The following SEMA5A variants were observed in gnomAD, a reference collection of about 807,000 sequenced individuals.
The protein encoded by SEMA5A is semaphorin-5A.
SEMA5A carries 55 observed loss-of-function variants against 135.5 expected under a neutral mutation model. The observed-to-expected ratio is 0.41, with a 90% CI of 0.33 to 0.51. The LOEUF (loss-of-function observed/expected upper bound fraction) is 0.51. Among genes scored for constraint, SEMA5A ranks in the 20% least tolerant of loss-of-function variants. SEMA5A has a pLI of 0.37. For missense variants in SEMA5A, 1,290 were observed against 1,419.9 expected, an observed-to-expected ratio of 0.91 and a Z score of 1.47; for synonymous variants, 580 against 546.5, an observed-to-expected ratio of 1.06 and a Z score of -0.85.
chr5:9,271,209 G>C (rs1749956371), intron 5 of SEMA5A, among the ~76,000 whole-genome samples: 1 of 152,046 alleles, frequency 6.6e-6, no homozygotes, highest in Non-Finnish European at 1.5e-5. Context: ...CTCCTCCATG[G>C]TAAAACGTGC....
At chr5:9,213,581 G>A (rs1417226268) in intron 8 of SEMA5A, among the ~76,000 whole-genome samples, 1 of 152,190 alleles carries the variant, frequency 6.6e-6, no homozygotes. Context: ...AGGCAGAACA[G>A]CGCCCAGCAA....
chr5:9,286,430 T>A (rs1750800458), intron 5 of SEMA5A, among the ~76,000 whole-genome samples: 1 of 152,144 alleles, frequency 6.6e-6, no homozygotes, highest in South Asian at 2.1e-4. Context: ...CGTACTCTTT[T>A]TTCTATCTCC....
rs1759391455 is a variant in SEMA5A at position 9,469,391 on chromosome 5, TG to T, written c.-174-31540del. The stretch of plus-strand genomic sequence containing the variant: ...ATTTTAGTTATGCGGAATGTTTAAT[TG>T]GGGTAGTGAGAGAGGGCTACCAGAA... On this transcript the variant is annotated intron_variant, in intron 1 of 22. Coordinates refer to ENST00000382496, the MANE Select transcript of SEMA5A (RefSeq NM_003966.3). Among the ~76,000 whole-genome samples the T allele has an allele frequency of 3.3e-5, 5 of 152,322 alleles. No homozygotes were observed. The South Asian group carries it at 1.0e-3, about 32-fold the overall frequency.
intron 12 of SEMA5A, among the ~76,000 whole-genome samples, chr5:9,142,890 T>G (rs954411917): frequency 3.9e-5 from 6 of 152,250 alleles, no homozygotes; most frequent in Admixed American, 2.0e-4. Context: ...AGGCAGAGGC[T>G]GCAGTGAGCT....
chr5:9,289,952 C>A (rs1750997056), intron 5 of SEMA5A, among the ~76,000 whole-genome samples: 1 of 152,142 alleles, frequency 6.6e-6, no homozygotes. Context: ...ATTTAAAAAT[C>A]AGGTAAGATT....
At chr5:9,397,205 C>G (rs554008404) in intron 2 of SEMA5A, among the ~76,000 whole-genome samples, 2 of 152,328 alleles carry the variant, frequency 1.3e-5, no homozygotes, top group East Asian at 3.9e-4. Flanking sequence ...TAGTTGCACA[C>G]CCACATATAC....
chr5:9,318,402 C>A lies in SEMA5A; in HGVS notation c.240G>T (p.Arg80Ser), dbSNP rs377291050. Reference protein sequence around the residue: ...LVVGARNYLFRLQLEDLSLIQ... With the variant: ...LVVGARNYLFSLQLEDLSLIQ... ...TAAGAGACAGATCCTCAAGCTGTAA[C>A]CTGAAGAGGTAGTTTCTGCAAAATA... Residue 80 changes from arginine to serine, a missense_variant, in exon 5 of 23, where the codon AGG becomes AGT. This residue lies in a region of SEMA5A where 116 missense variants were observed against 121.3 expected (regional missense o/e 0.96). Transcript: ENST00000382496. 1 of 1,612,208 alleles carries A rather than the reference C, an allele frequency of 6.2e-7. No individual in the cohort carries two copies. The highest frequency in any genetic ancestry group is 8.5e-7 in the Non-Finnish European group (1 of 1,179,224).
At chr5:9,337,671 A>G (rs759110199) in intron 4 of SEMA5A, 42 bp downstream of exon 4, 14 of 1,338,036 alleles carry the variant, frequency 1.0e-5, no homozygotes, top group Admixed American at 3.4e-5. Context: ...TGTAAAATGA[A>G]GTCCAAAAAT....
At chr5:9,077,491 G>C (rs543345886) in intron 16 of SEMA5A, among the ~76,000 whole-genome samples, 7 of 152,154 alleles carry the variant, frequency 4.6e-5, no homozygotes, top group African/African-American at 1.4e-4. Context: ...TAACCAAAAA[G>C]TGAGCATTTC....
chr5:9,242,385 C>T lies in SEMA5A; in HGVS notation c.271-4495G>A, dbSNP rs1019932091. On this transcript the variant is annotated intron_variant, in intron 5 of 22. Coordinates refer to ENST00000382496, the MANE Select transcript of SEMA5A (RefSeq NM_003966.3). Reference sequence around the variant, plus strand: ...TTCAGTCAATTTGGAAGGATTTGTTCGATGTTCCTCTGCCTTTACTTCCTA... The same window carrying T: ...TTCAGTCAATTTGGAAGGATTTGTTTGATGTTCCTCTGCCTTTACTTCCTA... Among the ~76,000 whole-genome samples the T allele has an allele frequency of 7.2e-5, 11 of 152,244 alleles. 1 individual carries two copies. The highest frequency in any genetic ancestry group is 2.0e-4 in the Admixed American group (3 of 15,288).
At chr5:9,276,365 G>A (rs1019129375) in intron 5 of SEMA5A, among the ~76,000 whole-genome samples, 8 of 152,170 alleles carry the variant, frequency 5.3e-5, no homozygotes, top group Non-Finnish European at 5.9e-5. Flanking sequence ...AATCAATATT[G>A]TGAAAATGGC....
At chr5:9,128,534 C>T (rs1741237784) in intron 13 of SEMA5A, among the ~76,000 whole-genome samples, 1 of 152,148 alleles carries the variant, frequency 6.6e-6, no homozygotes, top group Non-Finnish European at 1.5e-5. Flanking sequence ...CATCTGCTGT[C>T]CTGCCTGAAT....
intron 18 of SEMA5A, among the ~76,000 whole-genome samples, chr5:9,056,775 G>A (rs903026956): frequency 2.6e-5 from 4 of 152,084 alleles, no homozygotes; most frequent in Non-Finnish European, 5.9e-5. Context: ...CCAATCCTGG[G>A]TATATATCAA....
At chr5:9,438,910 T>C (rs1758131444) in intron 1 of SEMA5A, among the ~76,000 whole-genome samples, 1 of 152,192 alleles carries the variant, frequency 6.6e-6, no homozygotes, top group Non-Finnish European at 1.5e-5. Flanking sequence ...ATGTTATACC[T>C]GCTGAAGTGC....
At chr5:9,140,462 A>G (rs755442983) in intron 12 of SEMA5A, among the ~76,000 whole-genome samples, 1 of 152,212 alleles carries the variant, frequency 6.6e-6, no homozygotes, top group Non-Finnish European at 1.5e-5. Flanking sequence ...AAAAATGCCC[A>G]GAGGAAGTTG....
intron 1 of SEMA5A, chr5:9,516,613 G>T (rs1234441853): frequency 6.6e-6 from 1 of 152,190 alleles, no homozygotes; most frequent in Non-Finnish European, 1.5e-5. Context: ...GTGGAGAAAG[G>T]GGTTGACCAT....
intron 1 of SEMA5A, among the ~76,000 whole-genome samples, chr5:9,505,493 C>T (rs1735826850): frequency 1.3e-5 from 2 of 152,206 alleles, no homozygotes; most frequent in South Asian, 4.1e-4. Flanking sequence ...TAGATTGTAG[C>T]CTCATATTCC....
At chr5:9,301,763 A>G (rs1751621768) in intron 5 of SEMA5A, among the ~76,000 whole-genome samples, 1 of 152,066 alleles carries the variant, frequency 6.6e-6, no homozygotes, top group Non-Finnish European at 1.5e-5. Context: ...TTCCTGGGAG[A>G]CCTGCCCACC....
chr5:9,399,377 T>C (rs75844437), intron 2 of SEMA5A, among the ~76,000 whole-genome samples: 1,951 of 152,230 alleles, frequency 0.013, 31 homozygotes, highest in African/African-American at 0.045. Context: ...AGGCCACACA[T>C]TTTACGATTC....
Sources: allele counts gnomAD v4.1 joint callset (sites outside exome capture counted in the v4.1 genomes callset), GRCh38; gene constraint gnomAD v4.1.1; regional missense constraint gnomAD v4.1.1; transcripts MANE v1.5; gene names NCBI Gene and HGNC (gene_info 2026-07-23, HGNC 2026-07-21).